Variants in MTBP observed in about 807,000 individuals in gnomAD.
MTBP encodes mdm2-binding protein.
A neutral mutation model predicts 117.0 loss-of-function variants in MTBP; 101 were observed. That is an observed-to-expected ratio of 0.86 (90% CI 0.73 to 1.02). MTBP has a LOEUF of 1.02. Among genes scored for constraint, MTBP ranks in the 50% least tolerant of loss-of-function variants. MTBP has a pLI of 0.00. For missense variants in MTBP, 970 were observed against 1,030.9 expected (o/e 0.94, Z 0.81); for synonymous variants, 350 against 351.5 (o/e 1.00, Z 0.05).
At chr8:120,488,390 A>T in intron 12 of MTBP, 58 bp downstream of exon 12, 1 of 1,309,256 alleles carries the variant, frequency 7.6e-7, no homozygotes, top group Middle Eastern at 2.0e-4. Flanking sequence ...TGTGGTTAGC[A>T]TATGTGGCTT....
intron 19 of MTBP, 42 bp from the exon 20 acceptor site, chr8:120,518,662 C>A (rs780796564): frequency 1.5e-6 from 2 of 1,373,084 alleles, no homozygotes; most frequent in Non-Finnish European, 2.0e-6. Flanking sequence ...AGGTTTGTGC[C>A]TTTTCCAAGA....
chr8:120,500,728 T>C (rs1038110307), intron 14 of MTBP, among the ~76,000 whole-genome samples: 2 of 152,208 alleles, frequency 1.3e-5, no homozygotes, highest in Admixed American at 6.5e-5. Context: ...AAGATGCAGT[T>C]TGCATTAATT....
rs370531455 is a variant in MTBP at position 120,451,108 on chromosome 8, A to G, written c.273+32A>G. ...TAAATTTAAAGATAGCTACTAATGA[A>G]TGTCTTTACTAATATAAATAATTTC... On this transcript the variant is annotated intron_variant, in intron 3 of 21. Transcript: ENST00000305949. 3 of 1,581,406 alleles carry G rather than the reference A, an allele frequency of 1.9e-6. No homozygotes were observed. The African/African-American group carries it at 4.1e-5, about 21-fold the overall frequency.
At chr8:120,509,328 G>A (rs936533382) in intron 16 of MTBP, among the ~76,000 whole-genome samples, 3 of 152,170 alleles carry the variant, frequency 2.0e-5, no homozygotes, top group Non-Finnish European at 2.9e-5. Context: ...TTGGCTGGAC[G>A]CAGTGGCTCA....
chr8:120,503,841 G>C (rs144305053), intron 15 of MTBP, among the ~76,000 whole-genome samples: 1 of 152,176 alleles, frequency 6.6e-6, no homozygotes, highest in African/African-American at 2.4e-5. Flanking sequence ...TTCCTATGAT[G>C]CATTAGATGT....
intron 13 of MTBP, chr8:120,490,837 G>T: frequency 4.2e-6 from 1 of 240,488 alleles, no homozygotes; most frequent in Non-Finnish European, 7.9e-6. Context: ...GTTTTTAATT[G>T]TATGCTAGAG....
intron 20 of MTBP, among the ~76,000 whole-genome samples, chr8:120,520,997 A>G (rs1415860281): frequency 6.6e-6 from 1 of 152,134 alleles, no homozygotes; most frequent in African/African-American, 2.4e-5. Flanking sequence ...AAGAAACAAA[A>G]CAAAAACTAA....
intron 7 of MTBP, among the ~76,000 whole-genome samples, chr8:120,458,398 C>A (rs955580775): frequency 3.9e-5 from 6 of 152,124 alleles, no homozygotes; most frequent in African/African-American, 1.4e-4. Flanking sequence ...ACAGAGTAAC[C>A]ACTCAGTAAG....
At chr8:120,508,275 T>A (rs1033233179) in intron 16 of MTBP, among the ~76,000 whole-genome samples, 51 of 152,100 alleles carry the variant, frequency 3.4e-4, no homozygotes, top group African/African-American at 1.2e-3. Context: ...AAGGAAATAA[T>A]AAACATTGAC....
Position 120,459,238 on chromosome 8 carries a change from T to A in MTBP, c.771T>A (p.Pro257=), listed in dbSNP as rs1343279174. ...ERKFGFEISF[P]EFCLKGVTLK... ...AGTTTGGATTTGAAATTAGTTTTCC[T>A]GAATTTTGTTTAAAGGGAGTCACAC... Residue 257 remains proline, a synonymous_variant, in exon 8 of 22, where the codon CCT becomes CCA. Transcript: ENST00000305949. 6.2e-7 allele frequency: 1 copy of A among 1,609,012 alleles called. No individual in the cohort carries two copies. The highest frequency in any genetic ancestry group is 1.3e-5 in the African/African-American group (1 of 74,746).
In MTBP at chr8:120,463,747, T is replaced by A; in HGVS notation, c.1033T>A (p.Ser345Thr). 6.2e-7 allele frequency: 1 copy of A among 1,612,366 alleles called. No homozygotes were observed. Among genetic ancestry groups the A allele is most frequent in the Non-Finnish European group, 8.5e-7 (1 of 1,178,888 alleles). Residue 345 changes from serine (S) to threonine (T), a missense_variant, in exon 10 of 22, where the codon TCT (serine) becomes ACT (threonine). Ser to Thr is a moderately conservative substitution (Grantham distance 58). Transcript: ENST00000305949. ...NSVLLLEQIS[S>T]LCSKVGALFV... ...TGTGTTGCTGTTGGAGCAGATTTCT[T>A]CTCTGTGTAGCAAGGTATTGAGGGT...
chr8:120,489,196 G>T lies in MTBP; in HGVS notation c.1339+864G>T, dbSNP rs573030191. Among the ~76,000 whole-genome samples the T allele has an allele frequency of 8.4e-4, 127 of 152,092 alleles. 1 individual carries two copies. Among genetic ancestry groups the T allele is most frequent in the Admixed American group, 1.6e-3 (25 of 15,268 alleles). ...TGGGACTACAGGTGTGCACCACCAT[G>T]CCCAGCTAATTTGTGTATTTTTAGT... On this transcript the variant is annotated intron_variant, in intron 12 of 21. Transcript: ENST00000305949.
chr8:120,462,010 C>T (rs966594432), intron 9 of MTBP, among the ~76,000 whole-genome samples: 6 of 152,096 alleles, frequency 3.9e-5, no homozygotes, highest in African/African-American at 1.4e-4. Flanking sequence ...CAGCTGAGAA[C>T]TGTTTGTAGT....
At chr8:120,447,779 T>C (rs1813258743) in intron 2 of MTBP, among the ~76,000 whole-genome samples, 1 of 152,226 alleles carries the variant, frequency 6.6e-6, no homozygotes, top group Admixed American at 6.5e-5. Context: ...TAAAGTGTTT[T>C]ATTTCTTTGT....
intron 5 of MTBP, among the ~76,000 whole-genome samples, chr8:120,454,340 T>C (rs1247496305): frequency 6.6e-6 from 1 of 152,124 alleles, no homozygotes; most frequent in African/African-American, 2.4e-5. Context: ...TGTCATACCA[T>C]AAAAGAAAGT....
chr8:120,452,215 A>G (rs549819476), intron 4 of MTBP: 1 of 152,314 alleles, frequency 6.6e-6, no homozygotes, highest in South Asian at 2.1e-4. Context: ...ATAACATTTC[A>G]TGACAAAACT....
Position 120,470,920 on chromosome 8 carries a change from A to T in MTBP, c.1148A>T (p.Lys383Met). Reference protein sequence around the residue: ...SRKWKEYIAKKPKTISVPDVE... With the variant: ...SRKWKEYIAKMPKTISVPDVE... The stretch of plus-strand genomic sequence containing the variant: ...AAATGGAAGGAATATATAGCTAAAA[A>T]GCCTAAAACAATCAGTGGTAAGTAT... The change falls in exon 11 of 22, where the codon AAG becomes ATG. Residue 383 changes from lysine to methionine, a missense_variant. Coordinates refer to ENST00000305949, the MANE Select transcript of MTBP (RefSeq NM_022045.5). 6.3e-7 allele frequency: 1 copy of T among 1,598,006 alleles called. No individual in the cohort carries two copies. The highest frequency in any genetic ancestry group is 1.3e-5 in the African/African-American group (1 of 74,676).
chr8:120,487,292 A>G (rs151109269), intron 11 of MTBP, among the ~76,000 whole-genome samples: 30 of 152,208 alleles, frequency 2.0e-4, no homozygotes, highest in Non-Finnish European at 3.1e-4. Context: ...CCTCTTGAGG[A>G]CGCGTGTATA....
chr8:120,513,634 C>T (rs560909557), intron 17 of MTBP, among the ~76,000 whole-genome samples: 5 of 151,654 alleles, frequency 3.3e-5, no homozygotes, highest in Admixed American at 1.3e-4. Context: ...ATGTTAAAAC[C>T]GGAAGAAAAA....
Sources: gnomAD v4.1 joint callset for allele counts (sites outside exome capture counted in the v4.1 genomes callset) on GRCh38, gnomAD v4.1.1 for gene constraint, MANE v1.5 for transcripts, NCBI Gene and HGNC (gene_info 2026-07-23, HGNC 2026-07-21) for gene names.